PPP1R42: variants seen among roughly 807,000 people sequenced by gnomAD.
PPP1R42 encodes protein phosphatase 1 regulatory subunit 42.
PPP1R42 carries 34 observed loss-of-function variants against 31.0 expected under a neutral mutation model. The ratio of observed to expected loss-of-function variants is 1.10; its 90% CI spans 0.83 to 1.46. The LOEUF (loss-of-function observed/expected upper bound fraction) is 1.46, where lower values mean the gene tolerates loss of function less well. PPP1R42 is among the 40% of genes most tolerant of loss of function. The pLI, the probability that PPP1R42 is intolerant of heterozygous loss-of-function variation, is 0.00. For missense variants in PPP1R42, 268 were observed against 303.0 expected (o/e 0.88, Z 0.86); for synonymous variants, 103 against 109.8 (o/e 0.94, Z 0.39).
intron 7 of PPP1R42, among the ~76,000 whole-genome samples, chr8:66,967,604 G>C (rs1301256110): frequency 4.0e-5 from 6 of 149,114 alleles, no homozygotes; most frequent in Non-Finnish European, 7.4e-5. Flanking sequence ...TGTTTTAACT[G>C]TTATTCGAGT....
intron 1 of PPP1R42, among the ~76,000 whole-genome samples, chr8:67,024,473 C>T (rs1026622090): frequency 8.1e-5 from 12 of 147,688 alleles, no homozygotes; most frequent in African/African-American, 3.1e-4. Flanking sequence ...TGCCACCATG[C>T]CAGCTAATTT....
At chr8:67,011,256 G>A (rs1815835569) in intron 4 of PPP1R42, among the ~76,000 whole-genome samples, 1 of 152,180 alleles carries the variant, frequency 6.6e-6, no homozygotes, top group Admixed American at 6.5e-5. Flanking sequence ...TAGGGGTGCG[G>A]TGGCTCATGC....
At chr8:67,009,915 G>A (rs1470112122) in intron 5 of PPP1R42, among the ~76,000 whole-genome samples, 4 of 152,212 alleles carry the variant, frequency 2.6e-5, no homozygotes, top group African/African-American at 9.6e-5. Context: ...TTGGGAGAAA[G>A]AAGCTCATTC....
chr8:66,975,688 A>G (rs1268979975), intron 7 of PPP1R42, among the ~76,000 whole-genome samples: 1 of 152,138 alleles, frequency 6.6e-6, no homozygotes, highest in South Asian at 2.1e-4. Flanking sequence ...ACTAGATTAT[A>G]AAGAGATTAA....
At chr8:67,022,013 C>G (rs993400217) in intron 1 of PPP1R42, among the ~76,000 whole-genome samples, 18 of 152,012 alleles carry the variant, frequency 1.2e-4, no homozygotes, top group African/African-American at 4.1e-4. Context: ...TATCATTTAG[C>G]ACATGTGCAA....
chr8:66,975,784 A>C (rs1329637343), intron 7 of PPP1R42, among the ~76,000 whole-genome samples: 1 of 152,220 alleles, frequency 6.6e-6, no homozygotes, highest in African/African-American at 2.4e-5. Context: ...GTACATAGTG[A>C]TGTTGCAATA....
intron 6 of PPP1R42, chr8:66,984,000 A>G: frequency 2.3e-6 from 2 of 876,954 alleles, no homozygotes; most frequent in Non-Finnish European, 3.7e-6. Context: ...GGAGCAAGAT[A>G]TTCTCCCTTT....
intron 6 of PPP1R42, chr8:66,985,644 G>C (rs1814986129): frequency 3.0e-6 from 4 of 1,337,128 alleles, no homozygotes; most frequent in South Asian, 1.2e-5. Flanking sequence ...CATCATTCAT[G>C]AAAGTGGCAC....
At chr8:66,985,828 G>C (rs1585646752) in intron 6 of PPP1R42, 1 of 1,226,192 alleles carries the variant, frequency 8.2e-7, no homozygotes, top group South Asian at 1.3e-5. Flanking sequence ...CAGCATGCCA[G>C]GACTCTGATG....
intron 1 of PPP1R42, among the ~76,000 whole-genome samples, chr8:67,022,815 A>T (rs897254218): frequency 6.6e-6 from 1 of 152,072 alleles, no homozygotes; most frequent in East Asian, 1.9e-4. Context: ...CTCCATGACA[A>T]CACGGTCTTA....
chr8:66,965,253 G>C (rs1814347449), intron 7 of PPP1R42, among the ~76,000 whole-genome samples: 1 of 138,888 alleles, frequency 7.2e-6, no homozygotes, highest in African/African-American at 2.7e-5. Flanking sequence ...GACAGAGTGA[G>C]ACTCCGTCTC....
At chr8:66,985,492 T>C in intron 6 of PPP1R42, 2 of 1,097,540 alleles carry the variant, frequency 1.8e-6, no homozygotes, top group Non-Finnish European at 2.8e-6. Flanking sequence ...GTCTTTTAAC[T>C]CCCCCTTTGG....
intron 1 of PPP1R42, among the ~76,000 whole-genome samples, chr8:67,019,992 T>G (rs1055775448): frequency 1.3e-5 from 2 of 152,172 alleles, no homozygotes; most frequent in African/African-American, 2.4e-5. Context: ...CCAGGTCTCT[T>G]GGCTCCTTTT....
intron 6 of PPP1R42, chr8:66,984,805 G>A: frequency 2.5e-6 from 4 of 1,607,044 alleles, no homozygotes; most frequent in South Asian, 1.1e-5. Flanking sequence ...TCTCACTTTG[G>A]GTTCTGGAGG....
intron 7 of PPP1R42, chr8:66,968,593 G>C (rs751424658): frequency 1.8e-6 from 1 of 543,592 alleles, no homozygotes; most frequent in Non-Finnish European, 2.3e-6. Context: ...TTGTGTTTAG[G>C]CTGAGTATTT....
intron 7 of PPP1R42, chr8:66,968,592 G>T: frequency 3.7e-6 from 2 of 547,176 alleles, no homozygotes; most frequent in Non-Finnish European, 4.7e-6. Flanking sequence ...TTTGTGTTTA[G>T]GCTGAGTATT....
At chr8:66,983,463 C>G (rs1047398216) in intron 6 of PPP1R42, among the ~76,000 whole-genome samples, 1 of 151,720 alleles carries the variant, frequency 6.6e-6, no homozygotes, top group African/African-American at 2.4e-5. Context: ...TTTTTTTCTT[C>G]AAAATTTTTT....
chr8:67,020,496 C>T (rs1181022630), intron 1 of PPP1R42, among the ~76,000 whole-genome samples: 3 of 152,166 alleles, frequency 2.0e-5, no homozygotes, highest in East Asian at 1.9e-4. Context: ...CCACTGAGCC[C>T]GGCCAATCCA....
At chr8:67,017,545 G>T (rs1816052940) in intron 2 of PPP1R42, 74 bp downstream of exon 2, 1 of 765,144 alleles carries the variant, frequency 1.3e-6, no homozygotes, top group Non-Finnish European at 1.9e-6. Context: ...AAAATATTAG[G>T]TATGCTCCCA....
Sources: allele counts gnomAD v4.1 joint callset (sites outside exome capture counted in the v4.1 genomes callset), GRCh38; gene constraint gnomAD v4.1.1; transcripts MANE v1.5; gene names NCBI Gene and HGNC (gene_info 2026-07-23, HGNC 2026-07-21).